The following ZNF555 variants were observed in gnomAD, a reference collection of about 807,000 sequenced individuals.
The protein encoded by ZNF555 is zinc finger protein 555.
ZNF555 carries 10 observed loss-of-function variants against 14.0 expected under a neutral mutation model. The observed-to-expected ratio is 0.72, with a 90% CI of 0.44 to 1.21. The LOEUF is 1.21. ZNF555 is among the 50% of genes most tolerant of loss of function. The pLI is 0.00. For synonymous variants in ZNF555, 277 were observed against 262.4 expected (o/e 1.06, Z -0.54); for missense variants, 747 against 762.0 (o/e 0.98, Z 0.23).
In ZNF555 at chr19:2,858,660, G is replaced by C. The variant is rs1440043424; in HGVS notation, c.*4708G>C. On this transcript the variant is annotated 3_prime_UTR_variant, in exon 4 of 4. Transcript: ENST00000334241. ...TGTTGGGAACACGTGGCAGCCCTGCGTTGTGAGGTGAGAGAAGAGGCAGTG... is the reference window on the plus strand; with the variant it reads ...TGTTGGGAACACGTGGCAGCCCTGCCTTGTGAGGTGAGAGAAGAGGCAGTG... The C allele has an allele frequency of 6.6e-6, 1 of 152,264 alleles. No homozygotes were observed. The highest frequency in any genetic ancestry group is 2.4e-5 in the African/African-American group (1 of 41,446). The allele number at this position is 152,264 out of a possible 1,614,324, so 9.4% of individuals were successfully genotyped here.
chr19:2,848,552 T>G (rs1039966275), intron 1 of ZNF555, among the ~76,000 whole-genome samples: 1 of 150,324 alleles, frequency 6.7e-6, no homozygotes, highest in Non-Finnish European at 1.5e-5. Flanking sequence ...GGGTTCAAGC[T>G]ATTCTCGTGC....
chr19:2,851,414 C>A, intron 2 of ZNF555, 54 bp from the exon 3 acceptor site: 1 of 1,458,326 alleles, frequency 6.9e-7, no homozygotes, highest in South Asian at 1.4e-5. Context: ...TCCTCAGTGT[C>A]GTTTTCCGCT....
intron 1 of ZNF555, among the ~76,000 whole-genome samples, chr19:2,848,992 C>G (rs75452590): frequency 6.6e-6 from 1 of 152,090 alleles, no homozygotes; most frequent in Admixed American, 6.6e-5. Context: ...TAACTTCTTT[C>G]GGCATATGGG....
At chr19:2,845,434 T>A (rs926766421) in intron 1 of ZNF555, among the ~76,000 whole-genome samples, 5 of 152,336 alleles carry the variant, frequency 3.3e-5, no homozygotes, top group Non-Finnish European at 7.4e-5. Flanking sequence ...ACAAGTGATG[T>A]GTTTTTTGGT....
intron 1 of ZNF555, among the ~76,000 whole-genome samples, chr19:2,842,914 G>T (rs1484375795): frequency 6.6e-6 from 1 of 152,094 alleles, no homozygotes; most frequent in Non-Finnish European, 1.5e-5. Flanking sequence ...GTGGTGGCGG[G>T]TGCCTGTAGT....
At chr19:2,844,808 C>T (rs1276120365) in intron 1 of ZNF555, among the ~76,000 whole-genome samples, 1 of 152,202 alleles carries the variant, frequency 6.6e-6, no homozygotes, top group African/African-American at 2.4e-5. Flanking sequence ...CGTCCACCCC[C>T]TAGCCCACTG....
chr19:2,849,578 G>A (rs4807346), intron 1 of ZNF555, among the ~76,000 whole-genome samples: 59,053 of 149,542 alleles, frequency 0.39, 12,240 homozygotes, highest in East Asian at 0.68. Flanking sequence ...TCTGCCTCCC[G>A]GGTTCAAGCA....
In ZNF555 at chr19:2,844,101, T is replaced by C. The variant is rs866721590; in HGVS notation, c.3+2526T>C. 5.3e-3 allele frequency among the ~76,000 whole-genome samples: 731 copies of C among 137,054 alleles called. 22 individuals are homozygous for C. Among genetic ancestry groups the C allele is most frequent in the Middle Eastern group, 0.026 (7 of 274 alleles). The allele number at this position is 137,054 out of a possible 152,430, so 89.9% of individuals were successfully genotyped here. On this transcript the variant is annotated intron_variant, in intron 1 of 3. Coordinates refer to ENST00000334241, the MANE Select transcript of ZNF555 (RefSeq NM_152791.5). ...TTCCTTTCTCTCTCTCTCTTTTCTT[T>C]TTTTTTTTTTTTTTTTTAAAGAGGG...
intron 2 of ZNF555, 56 bp downstream of exon 2, chr19:2,850,769 T>G: frequency 6.2e-7 from 1 of 1,605,078 alleles, no homozygotes; most frequent in Admixed American, 1.7e-5. Context: ...AAGTATTTCT[T>G]ACACATCAGA....
rs2087663852 is a variant in ZNF555, at chr19:2,854,062, T to C, written c.*110T>C. On this transcript the variant is annotated 3_prime_UTR_variant, in exon 4 of 4. Transcript: ENST00000334241. ...AATACTCTCAGCTATCCTACATGAATTTGAACAGGTAGTTTCTTACGATTC... is the reference window on the plus strand; with the variant it reads ...AATACTCTCAGCTATCCTACATGAACTTGAACAGGTAGTTTCTTACGATTC... 2 of 1,327,270 alleles carry C rather than the reference T, an allele frequency of 1.5e-6. No homozygotes were observed. Among genetic ancestry groups the C allele is most frequent in the East Asian group, 4.8e-5 (2 of 42,078 alleles). The allele number at this position is 1,327,270 out of a possible 1,614,324, so 82.2% of individuals were successfully genotyped here. A position where few individuals can be genotyped will look rare whatever the true frequency, so the allele number is the denominator to read the frequency against.
chr19:2,850,321 C>T (rs1017579083), intron 1 of ZNF555, among the ~76,000 whole-genome samples: 1 of 152,202 alleles, frequency 6.6e-6, no homozygotes, highest in African/African-American at 2.4e-5. Context: ...TGTTTGATAT[C>T]TCCAATGTGG....
rs541603075 is a variant in ZNF555 at position 2,852,331 on chromosome 19, A to G, written c.315-49A>G. 9.3e-6 allele frequency: 15 copies of G among 1,607,276 alleles called. No homozygotes were observed. In the South Asian group the frequency reaches 1.7e-4, roughly 18 times the overall value. On this transcript the variant is annotated intron_variant, in intron 3 of 3. Transcript: ENST00000334241. Reference sequence around the variant, plus strand: ...AGATGCAGTCCTAATCCTAATAAATACTAACAAATCATTATTAATCAAACC... The same window carrying G: ...AGATGCAGTCCTAATCCTAATAAATGCTAACAAATCATTATTAATCAAACC...
In ZNF555 at chr19:2,841,523, G is replaced by A. The variant is rs1226412902; in HGVS notation, c.-50G>A. ...TGCCCCTAGCGGTCCCTGGCGTCCC[G>A]GTTCCTGTCGCGCTCACCTGCGCCG... is the stretch of plus-strand genomic sequence containing the variant. On this transcript the variant is annotated 5_prime_UTR_variant, in exon 1 of 4. Coordinates refer to ENST00000334241, the MANE Select transcript of ZNF555 (RefSeq NM_152791.5). 1.9e-6 allele frequency: 3 copies of A among 1,545,418 alleles called. No homozygotes were observed. The highest frequency in any genetic ancestry group is 2.6e-6 in the Non-Finnish European group (3 of 1,144,480).
intron 1 of ZNF555, among the ~76,000 whole-genome samples, chr19:2,847,653 T>G (rs201255436): frequency 6.6e-6 from 1 of 151,838 alleles, no homozygotes; most frequent in African/African-American, 2.4e-5. Context: ...GAAAAAAATT[T>G]AAAAAAAATA....
At chr19:2,841,670 G>A (rs893184699) in intron 1 of ZNF555, 95 bp downstream of exon 1, 15 of 1,358,810 alleles carry the variant, frequency 1.1e-5, no homozygotes, top group Admixed American at 7.4e-5. Flanking sequence ...GACGCGGGGG[G>A]CGGCCCCGGC....
At position 2,853,169 on chromosome 19, in the gene ZNF555, C is replaced by T. The variant is rs114205250; in HGVS notation, c.1104C>T (p.Tyr368=). ...HERIHTGEKP[Y]ECKQCGKTFI... ...GGATTCACACTGGAGAGAAACCCTA[C>T]GAATGCAAACAGTGTGGGAAGACCT... The change falls in exon 4 of 4, where the codon TAC becomes TAT. Residue 368 remains tyrosine (Y), a synonymous_variant. Coordinates refer to ENST00000334241, the MANE Select transcript of ZNF555 (RefSeq NM_152791.5). The T allele has an allele frequency of 1.7e-4, 278 of 1,612,640 alleles. No individual in the cohort carries two copies. Among genetic ancestry groups the T allele is most frequent in the East Asian group, 1.6e-4 (7 of 44,802 alleles).
Position 2,852,619 on chromosome 19 carries a change from C to T in ZNF555, c.554C>T (p.Ser185Leu), listed in dbSNP as rs202092340. The T allele has an allele frequency of 6.2e-7, 1 of 1,614,202 alleles. No homozygotes were observed. The highest frequency in any genetic ancestry group is 2.2e-5 in the East Asian group (1 of 44,890). Reference sequence around the variant, plus strand: ...TGTGGGCAGGCCTACAGTTGTCGTTCACACCTAAGAATGCATGTGAGAACC... The same window carrying T: ...TGTGGGCAGGCCTACAGTTGTCGTTTACACCTAAGAATGCATGTGAGAACC... ...QECGQAYSCR[S>L]HLRMHVRTHN... is the part of the protein sequence containing the mutation. Residue 185 changes from serine (S) to leucine (L), a missense_variant, in exon 4 of 4, where the codon TCA becomes TTA. Transcript: ENST00000334241.
rs1025155068 is a variant in ZNF555 at position 2,857,756 on chromosome 19, T to C, written c.*3804T>C. 3 of 152,190 alleles carry C rather than the reference T, an allele frequency of 2.0e-5. No homozygotes were observed. Among genetic ancestry groups the C allele is most frequent in the South Asian group, 2.1e-4 (1 of 4,832 alleles). 9.4% of individuals were successfully genotyped at this position (152,190 alleles called of 1,614,324 possible). ...ACTTTGGGAAGCTGAGGCGGGAGGA[T>C]TGCTTGTGGCCAGGAGGTTGAGGCT... On this transcript the variant is annotated 3_prime_UTR_variant, in exon 4 of 4. Transcript: ENST00000334241.
intron 1 of ZNF555, among the ~76,000 whole-genome samples, chr19:2,846,314 C>A (rs1423629107): frequency 6.6e-6 from 1 of 152,214 alleles, no homozygotes; most frequent in African/African-American, 2.4e-5. Context: ...GAATTCAGAG[C>A]ACTCACAGCT....
Sources: allele counts gnomAD v4.1 joint callset (sites outside exome capture counted in the v4.1 genomes callset), GRCh38; gene constraint gnomAD v4.1.1; transcripts MANE v1.5; gene names NCBI Gene and HGNC (gene_info 2026-07-23, HGNC 2026-07-21).